Variants in MACROD2 observed in about 807,000 individuals in gnomAD.
MACROD2 encodes mono-ADP ribosylhydrolase 2, also known as ADP-ribose glycohydrolase MACROD2.
A neutral mutation model predicts 70.4 loss-of-function variants in MACROD2; 36 were observed. That is an observed-to-expected ratio of 0.51 (90% confidence interval 0.39 to 0.68). MACROD2 has a LOEUF of 0.68. MACROD2 is among the 30% of genes least tolerant of loss of function. The probability of loss-of-function intolerance (pLI) is 0.00; values close to 1 mark genes in which losing one functional copy is unlikely to be tolerated. For missense variants in MACROD2, 496 were observed against 538.4 expected (o/e 0.92, Z 0.78); for synonymous variants, 172 against 178.8 (o/e 0.96, Z 0.30).
chr20:15,334,590 T>TAAA (rs73619844), intron 6 of MACROD2, among the ~76,000 whole-genome samples: 1 of 150,244 alleles, frequency 6.7e-6, no homozygotes, highest in Non-Finnish European at 1.5e-5. Context: ...TGATTTTTTT[T>TAAA]AAAAAAAAAC....
At chr20:14,616,086 A>C (rs112949521) in intron 4 of MACROD2, among the ~76,000 whole-genome samples, 1 of 152,108 alleles carries the variant, frequency 6.6e-6, no homozygotes, top group Non-Finnish European at 1.5e-5. Context: ...GTGTGCATGA[A>C]GGTAGATTAC....
chr20:15,481,137 A>G (rs2047091528), intron 7 of MACROD2, among the ~76,000 whole-genome samples: 1 of 152,240 alleles, frequency 6.6e-6, no homozygotes, highest in South Asian at 2.1e-4. Flanking sequence ...TTGGAATGCC[A>G]TAGTTCTCAT....
At chr20:14,432,715 C>T (rs2084008657) in intron 3 of MACROD2, among the ~76,000 whole-genome samples, 1 of 152,020 alleles carries the variant, frequency 6.6e-6, no homozygotes, top group Non-Finnish European at 1.5e-5. Context: ...AGTCTGTCAT[C>T]TGTAGTCAAT....
At chr20:15,009,452 C>A (rs1050300348) in intron 5 of MACROD2, among the ~76,000 whole-genome samples, 1 of 152,144 alleles carries the variant, frequency 6.6e-6, no homozygotes, top group African/African-American at 2.4e-5. Context: ...ATAGGGGAAG[C>A]AAACTCATCA....
chr20:15,904,162 C>A (rs557531539), intron 10 of MACROD2, among the ~76,000 whole-genome samples: 1 of 152,240 alleles, frequency 6.6e-6, no homozygotes, highest in East Asian at 1.9e-4. Context: ...GGCCAAAGTT[C>A]CTTGTTTTAC....
intron 3 of MACROD2, among the ~76,000 whole-genome samples, chr20:14,105,010 G>A (rs940035740): frequency 6.6e-6 from 1 of 152,074 alleles, no homozygotes; most frequent in African/African-American, 2.4e-5. Context: ...GAGGCCTAGG[G>A]GCTGGCTAAT....
intron 7 of MACROD2, among the ~76,000 whole-genome samples, chr20:15,437,989 C>T (rs953286166): frequency 1.3e-5 from 2 of 151,812 alleles, no homozygotes; most frequent in South Asian, 4.2e-4. Context: ...TATAGTGGAA[C>T]GTTTTATATT....
intron 4 of MACROD2, among the ~76,000 whole-genome samples, chr20:14,668,297 C>T (rs920193341): frequency 4.6e-5 from 7 of 152,104 alleles, no homozygotes; most frequent in African/African-American, 1.7e-4. Flanking sequence ...GGGAGATTAG[C>T]AGAAGCCATA....
At chr20:15,576,853 T>C (rs2048455048) in intron 8 of MACROD2, among the ~76,000 whole-genome samples, 2 of 152,214 alleles carry the variant, frequency 1.3e-5, no homozygotes, top group South Asian at 4.1e-4. Flanking sequence ...TGTACCACAT[T>C]GTAGTAACAC....
At chr20:14,185,726 A>C (rs933654960) in intron 3 of MACROD2, among the ~76,000 whole-genome samples, 2 of 152,162 alleles carry the variant, frequency 1.3e-5, no homozygotes, top group African/African-American at 2.4e-5. Context: ...GCTACTTGCT[A>C]GCTTTAAGGG....
At chr20:14,679,077 G>C (rs1315520252) in intron 4 of MACROD2, among the ~76,000 whole-genome samples, 2 of 152,106 alleles carry the variant, frequency 1.3e-5, no homozygotes, top group African/African-American at 2.4e-5. Flanking sequence ...GCCACCTCCT[G>C]CTTCTTCAAG....
At chr20:15,207,445 T>TG (rs2076720523) in intron 5 of MACROD2, among the ~76,000 whole-genome samples, 2 of 135,854 alleles carry the variant, frequency 1.5e-5, no homozygotes, top group South Asian at 2.5e-4. Flanking sequence ...GGTTTTTTTT[T>TG]TTTTTTTTTT....
At chr20:15,035,349 A>C (rs2075304644) in intron 5 of MACROD2, among the ~76,000 whole-genome samples, 1 of 152,158 alleles carries the variant, frequency 6.6e-6, no homozygotes, top group East Asian at 1.9e-4. Context: ...GGTTGCAGTG[A>C]GCCTTGATCA....
chr20:14,390,532 G>T (rs1010513856), intron 3 of MACROD2, among the ~76,000 whole-genome samples: 1 of 152,128 alleles, frequency 6.6e-6, no homozygotes, highest in African/African-American at 2.4e-5. Context: ...CATGGTACTG[G>T]CACAAAAACA....
Position 15,876,382 on chromosome 20 carries a change from C to T in MACROD2, c.728-9382C>T, listed in dbSNP as rs920222474. 5.3e-5 allele frequency among the ~76,000 whole-genome samples: 8 copies of T among 151,790 alleles called. No homozygotes were observed. The East Asian group carries it at 5.8e-4, about 11-fold the overall frequency. On this transcript the variant is annotated intron_variant, in intron 9 of 17. Coordinates refer to ENST00000684519, the MANE Select transcript of MACROD2 (RefSeq NM_001351661.2). ...TGCAGTGTTTGTTTTTTTGTCCTTG[C>T]GATAGTTTGCTGAGAATGATGGTTT...
At chr20:14,601,086 A>AATAT (rs377022195) in intron 4 of MACROD2, among the ~76,000 whole-genome samples, 3,587 of 151,714 alleles carry the variant, frequency 0.024, 60 homozygotes, top group South Asian at 0.037. Context: ...TAAATCACAT[A>AATAT]ATATATATAT....
intron 5 of MACROD2, among the ~76,000 whole-genome samples, chr20:14,998,560 T>C (rs1444833415): frequency 6.6e-6 from 1 of 151,938 alleles, no homozygotes; most frequent in East Asian, 1.9e-4. Context: ...GACAGGGTAT[T>C]TGAAAATACA....
chr20:14,691,076 C>T (rs894300627), intron 5 of MACROD2, among the ~76,000 whole-genome samples: 3 of 152,162 alleles, frequency 2.0e-5, no homozygotes, highest in African/African-American at 7.2e-5. Flanking sequence ...CGCCACAACA[C>T]CCAGCTAATT....
intron 6 of MACROD2, among the ~76,000 whole-genome samples, chr20:15,256,135 C>T (rs1209422362): frequency 6.6e-6 from 1 of 151,996 alleles, no homozygotes; most frequent in African/African-American, 2.4e-5. Context: ...AAATCCTGGT[C>T]AAAAGCGAGT....
Sources: gnomAD v4.1 joint callset for allele counts (sites outside exome capture counted in the v4.1 genomes callset) on GRCh38, gnomAD v4.1.1 for gene constraint, MANE v1.5 for transcripts, NCBI Gene and HGNC (gene_info 2026-07-23, HGNC 2026-07-21) for gene names.